CDH12: variants seen among roughly 807,000 people sequenced by gnomAD.
CDH12 encodes cadherin 12, also known as cadherin-12.
CDH12 carries 41 observed loss-of-function variants against 74.1 expected under a neutral mutation model. The ratio of observed to expected loss-of-function variants is 0.55; its 90% CI spans 0.43 to 0.72. The LOEUF (loss-of-function observed/expected upper bound fraction) is 0.72, where lower values mean the gene tolerates loss of function less well. Among genes scored for constraint, CDH12 ranks in the 30% least tolerant of loss-of-function variants. The pLI is 0.00. For synonymous variants in CDH12, 399 were observed against 355.0 expected, an observed-to-expected ratio of 1.12 and a Z score of -1.39; for missense variants, 945 against 977.2, an observed-to-expected ratio of 0.97 and a Z score of 0.44.
intron 2 of CDH12, among the ~76,000 whole-genome samples, chr5:22,474,631 A>T (rs1010276187): frequency 6.6e-6 from 1 of 152,120 alleles, no homozygotes; most frequent in Non-Finnish European, 1.5e-5. Flanking sequence ...AATTAAGTGG[A>T]TACACATGAC....
chr5:22,820,764 T>G (rs997196089), intron 1 of CDH12, among the ~76,000 whole-genome samples: 1 of 151,942 alleles, frequency 6.6e-6, no homozygotes, highest in Non-Finnish European at 1.5e-5. Context: ...TCAAAAAAAG[T>G]CCAGAACCAG....
At chr5:22,738,387 C>T (rs752193022) in intron 1 of CDH12, among the ~76,000 whole-genome samples, 1 of 151,970 alleles carries the variant, frequency 6.6e-6, no homozygotes, top group Non-Finnish European at 1.5e-5. Context: ...TAGAGTGCAG[C>T]CAAATTGACA....
chr5:22,765,122 T>C (rs1481058304), intron 1 of CDH12, among the ~76,000 whole-genome samples: 2 of 151,884 alleles, frequency 1.3e-5, no homozygotes, highest in African/African-American at 4.8e-5. Context: ...GATTAAACAA[T>C]GTGCACGTTT....
intron 1 of CDH12, among the ~76,000 whole-genome samples, chr5:22,834,805 A>G (rs999895192): frequency 2.0e-5 from 3 of 152,118 alleles, no homozygotes; most frequent in Admixed American, 6.6e-5. Context: ...GCCATTTGAC[A>G]TACACTTCTG....
chr5:22,196,420 G>C (rs573238059), intron 4 of CDH12, among the ~76,000 whole-genome samples: 5 of 152,056 alleles, frequency 3.3e-5, no homozygotes, highest in Admixed American at 6.6e-5. Context: ...TGGGATTACA[G>C]GCATGAGCCA....
Position 22,820,004 on chromosome 5 carries a change from C to CATATACATAT in CDH12, c.-523+33044_-523+33053dup, listed in dbSNP as rs1464084183. On this transcript the variant is annotated intron_variant, in intron 1 of 14. Coordinates refer to ENST00000382254, the MANE Select transcript of CDH12 (RefSeq NM_004061.5). ...ATATATATACATATACATATATATA[C>CATATACATAT]ATATACATATATATACATATATATA... 6.2e-5 allele frequency among the ~76,000 whole-genome samples: 9 copies of CATATACATAT among 145,006 alleles called. No individual in the cohort carries two copies. In the South Asian group the frequency reaches 1.1e-3, roughly 17 times the overall value.
At chr5:22,077,085 T>A (rs1742384131) in intron 5 of CDH12, among the ~76,000 whole-genome samples, 1 of 151,264 alleles carries the variant, frequency 6.6e-6, no homozygotes. Flanking sequence ...TGTGCGCGTG[T>A]GTATTTGTAA....
intron 1 of CDH12, among the ~76,000 whole-genome samples, chr5:22,536,567 T>C (rs996669454): frequency 1.3e-5 from 2 of 152,186 alleles, no homozygotes; most frequent in Non-Finnish European, 2.9e-5. Flanking sequence ...TGCTAATGTA[T>C]TGCAACACCC....
intron 2 of CDH12, among the ~76,000 whole-genome samples, chr5:22,427,146 A>G (rs1743973695): frequency 6.6e-6 from 1 of 151,980 alleles, no homozygotes; most frequent in Non-Finnish European, 1.5e-5. Context: ...ATTTGTACAA[A>G]CCCTATACTT....
chr5:22,398,345 T>C (rs1742554462), intron 3 of CDH12, among the ~76,000 whole-genome samples: 1 of 152,138 alleles, frequency 6.6e-6, no homozygotes, highest in African/African-American at 2.4e-5. Context: ...GAAGCCCCAC[T>C]GGGTAAAATA....
intron 6 of CDH12, among the ~76,000 whole-genome samples, chr5:21,881,231 CTCTT>C (rs1335293987): frequency 6.6e-6 from 1 of 152,152 alleles, no homozygotes; most frequent in Non-Finnish European, 1.5e-5. Context: ...TTGCAACTCT[CTCTT>C]CTTTCCTAAA....
At chr5:22,490,482 G>A (rs1746814065) in intron 2 of CDH12, among the ~76,000 whole-genome samples, 1 of 151,320 alleles carries the variant, frequency 6.6e-6, no homozygotes, top group African/African-American at 2.4e-5. Context: ...TCGAGAACAG[G>A]AGAATTGAGA....
chr5:21,981,073 T>C (rs1182942983), intron 5 of CDH12, among the ~76,000 whole-genome samples: 5 of 152,128 alleles, frequency 3.3e-5, no homozygotes, highest in African/African-American at 9.7e-5. Context: ...AAAATACATA[T>C]ATAAAATTGG....
chr5:22,397,102 C>G (rs1742491574), intron 3 of CDH12, among the ~76,000 whole-genome samples: 1 of 152,078 alleles, frequency 6.6e-6, no homozygotes, highest in South Asian at 2.1e-4. Context: ...GACAATATCT[C>G]CCTGCCTCCC....
intron 3 of CDH12, among the ~76,000 whole-genome samples, chr5:22,319,891 A>G (rs1455020011): frequency 1.3e-5 from 2 of 151,928 alleles, no homozygotes; most frequent in Non-Finnish European, 2.9e-5. Flanking sequence ...AGGAAGAATA[A>G]AAGGAAGAGA....
rs1222705493 is a variant in CDH12, at chr5:22,010,018, C to T, written c.232-34633G>A. On this transcript the variant is annotated intron_variant, in intron 5 of 14. Transcript: ENST00000382254. The stretch of plus-strand genomic sequence containing the variant: ...GAAAGAAAGAAAAGTTCTAGTTTCT[C>T]GTTTTAAGAGAAATGGGTCAGCACT... Among the ~76,000 whole-genome samples, 10 of 151,538 alleles carry T rather than the reference C, an allele frequency of 6.6e-5. No homozygotes were observed. In the South Asian group the frequency reaches 1.3e-3, roughly 19 times the overall value.
chr5:22,134,597 G>C (rs904343393), intron 4 of CDH12, among the ~76,000 whole-genome samples: 19 of 143,944 alleles, frequency 1.3e-4, no homozygotes, highest in African/African-American at 4.7e-4. Context: ...AGGAAAGGAG[G>C]GACAGGATAC....
chr5:21,957,067 C>T (rs573675872), intron 6 of CDH12, among the ~76,000 whole-genome samples: 1 of 152,138 alleles, frequency 6.6e-6, no homozygotes, highest in Admixed American at 6.5e-5. Flanking sequence ...CTCCTGTCAC[C>T]CTCCACTCTC....
chr5:21,884,765 T>G (rs1304453439), intron 6 of CDH12, among the ~76,000 whole-genome samples: 1 of 152,220 alleles, frequency 6.6e-6, no homozygotes, highest in Non-Finnish European at 1.5e-5. Context: ...AAAATTTGTT[T>G]AGTTAAAAAA....
Sources: allele counts gnomAD v4.1 joint callset (sites outside exome capture counted in the v4.1 genomes callset), GRCh38; gene constraint gnomAD v4.1.1; transcripts MANE v1.5; gene names NCBI Gene and HGNC (gene_info 2026-07-23, HGNC 2026-07-21).